The following PLSCR2 variants were observed in gnomAD, a reference collection of about 807,000 sequenced individuals.
PLSCR2 encodes PL scramblase 2.
In PLSCR2, 18 loss-of-function variants were observed where a neutral mutation model predicts 25.3. That is an observed-to-expected ratio of 0.71 (90% CI 0.49 to 1.06). The LOEUF (loss-of-function observed/expected upper bound fraction) is 1.06. Ranked by LOEUF, PLSCR2 falls within the 50% of genes least tolerant of loss-of-function variation. The pLI, the probability that PLSCR2 is intolerant of heterozygous loss-of-function variation, is 0.00. For missense variants in PLSCR2, 243 were observed against 269.5 expected (o/e 0.90, Z 0.69); for synonymous variants, 88 against 87.3 (o/e 1.01, Z -0.04).
chr3:146,442,019 A>G (rs2108245855), intron 6 of PLSCR2, among the ~76,000 whole-genome samples, 198 bp from the exon 7 acceptor site: 1 of 152,190 alleles, frequency 6.6e-6, no homozygotes, highest in Admixed American at 6.5e-5. Flanking sequence ...ATTAAATCCT[A>G]TAATCCTATT....
intron 1 of PLSCR2, among the ~76,000 whole-genome samples, chr3:146,493,783 G>GTTTTTTTT (rs34986699): frequency 1.3e-4 from 7 of 54,770 alleles, no homozygotes; most frequent in Non-Finnish European, 1.6e-4. Flanking sequence ...CCAAGGTGGC[G>GTTTTTTTT]TTTTTTTTTT....
At chr3:146,443,809 C>T (rs1608391) in intron 6 of PLSCR2, among the ~76,000 whole-genome samples, 73,469 of 151,430 alleles carry the variant, frequency 0.49, 18,750 homozygotes, top group South Asian at 0.7. Flanking sequence ...ATTTTGAGTT[C>T]AATTTGCTCT....
At position 146,447,842 on chromosome 3, in the gene PLSCR2, G is replaced by A. The variant is rs116223648; in HGVS notation, c.645+1364C>T. 7.6e-3 allele frequency among the ~76,000 whole-genome samples: 1,153 copies of A among 152,260 alleles called. 15 individuals carry two copies. Among genetic ancestry groups the A allele is most frequent in the African/African-American group, 0.026 (1,100 of 41,540 alleles). ...CCAGAGCACTTTAGCTCATGGTAGC[G>A]AGGTTTGTCAGAACTCAGGTTCTGA... On this transcript the variant is annotated intron_variant, in intron 6 of 6. Coordinates refer to ENST00000610787, the Ensembl canonical transcript of PLSCR2.
chr3:146,405,482 C>T (rs2038634529), intron 2 of PLSCR2, among the ~76,000 whole-genome samples: 1 of 151,920 alleles, frequency 6.6e-6, no homozygotes, highest in Non-Finnish European at 1.5e-5. Flanking sequence ...AGAGTCAATT[C>T]AAGTGGAAAC....
chr3:146,456,858 C>T (rs1416732142), intron 3 of PLSCR2, among the ~76,000 whole-genome samples: 2 of 151,758 alleles, frequency 1.3e-5, no homozygotes, highest in Middle Eastern at 3.2e-3. Flanking sequence ...TGTGGAACTT[C>T]GTATTTTTCA....
chr3:146,458,929 T>G (rs2041386296), intron 2 of PLSCR2, among the ~76,000 whole-genome samples: 1 of 152,140 alleles, frequency 6.6e-6, no homozygotes, highest in African/African-American at 2.4e-5. Context: ...TAAACATTCT[T>G]ATAATATTCA....
At chr3:146,495,780 C>T in intron 1 of PLSCR2, 1 of 687,110 alleles carries the variant, frequency 1.5e-6, no homozygotes. Context: ...TTTAAGGTCC[C>T]CATTAGGTAG....
At chr3:146,464,338 T>C (rs146362241), upstream of PLSCR2, among the ~76,000 whole-genome samples, 144 of 152,270 alleles carry the variant, frequency 9.5e-4, 1 homozygote, top group African/African-American at 3.2e-3. Flanking sequence ...TCTCTTCATA[T>C]ATATATGTCT....
chr3:146,412,420 C>T (rs1443353231), intron 2 of PLSCR2, among the ~76,000 whole-genome samples: 1 of 152,132 alleles, frequency 6.6e-6, no homozygotes. Context: ...ATTTGCTCTG[C>T]ACATCTGAAG....
intron 1 of PLSCR2, among the ~76,000 whole-genome samples, chr3:146,475,557 G>A (rs1283187064): frequency 1.3e-5 from 2 of 152,124 alleles, no homozygotes; most frequent in African/African-American, 4.8e-5. Flanking sequence ...GTTGCTGGTG[G>A]TGTTTTTCCT....
chr3:146,403,900 A>G (rs542323382), intron 2 of PLSCR2, among the ~76,000 whole-genome samples: 113 of 152,194 alleles, frequency 7.4e-4, no homozygotes, highest in African/African-American at 1.6e-3. Flanking sequence ...TTTAAACTTA[A>G]CTTCCTCGTA....
downstream of PLSCR2, among the ~76,000 whole-genome samples, chr3:146,429,880 C>T (rs756253456): frequency 5.3e-5 from 8 of 152,126 alleles, no homozygotes; most frequent in Non-Finnish European, 8.8e-5. Flanking sequence ...CCACCTTGGC[C>T]TCCCAAAGTG....
At chr3:146,464,086 GA>G (rs982188646), upstream of PLSCR2, 3 of 378,750 alleles carry the variant, frequency 7.9e-6, no homozygotes, top group African/African-American at 6.6e-5. Context: ...TAACTGGTCA[GA>G]AATCAATGCT....
At chr3:146,468,494 CAG>C (rs1158280341) in intron 1 of PLSCR2, among the ~76,000 whole-genome samples, 1 of 152,190 alleles carries the variant, frequency 6.6e-6, no homozygotes, top group Non-Finnish European at 1.5e-5. Flanking sequence ...ACATGGGAAC[CAG>C]AGAGTCAGCT....
At chr3:146,483,406 A>G (rs909151619) in intron 1 of PLSCR2, among the ~76,000 whole-genome samples, 8 of 130,104 alleles carry the variant, frequency 6.1e-5, no homozygotes, top group African/African-American at 2.4e-4. Context: ...TGTTGTACAC[A>G]TGTACCCTAG....
intron 1 of PLSCR2, among the ~76,000 whole-genome samples, chr3:146,474,342 A>G (rs553758802): frequency 1.1e-4 from 17 of 152,344 alleles, no homozygotes; most frequent in Admixed American, 1.1e-3. Flanking sequence ...GGGAAAAGGT[A>G]TAACACAGCT....
chr3:146,407,074 AG>A (rs2108022216), intron 2 of PLSCR2, among the ~76,000 whole-genome samples: 1 of 152,328 alleles, frequency 6.6e-6, no homozygotes, highest in African/African-American at 2.4e-5. Context: ...TCTTATTCTA[AG>A]TAGGGCTAAA....
intron 2 of PLSCR2, among the ~76,000 whole-genome samples, chr3:146,397,753 G>A (rs1010078080): frequency 6.6e-6 from 1 of 152,016 alleles, no homozygotes; most frequent in Non-Finnish European, 1.5e-5. Context: ...CAGTAAAAAT[G>A]GCTTTGGATT....
chr3:146,410,845 C>T (rs561360608), intron 2 of PLSCR2, among the ~76,000 whole-genome samples: 18 of 152,286 alleles, frequency 1.2e-4, no homozygotes, highest in African/African-American at 4.3e-4. Context: ...CCCACCTGGC[C>T]GCTCCCCCTG....
Sources: allele counts gnomAD v4.1 joint callset (sites outside exome capture counted in the v4.1 genomes callset), GRCh38; gene constraint gnomAD v4.1.1; transcripts MANE v1.5; gene names NCBI Gene and HGNC (gene_info 2026-07-23, HGNC 2026-07-21).